UBR3: variants seen among roughly 807,000 people sequenced by gnomAD.
UBR3 encodes the protein E3 ubiquitin-protein ligase UBR3.
In UBR3, 85 loss-of-function variants were observed where a neutral mutation model predicts 243.2. That is an observed-to-expected ratio of 0.35 (90% CI 0.29 to 0.42). The LOEUF (loss-of-function observed/expected upper bound fraction) is 0.42. UBR3 is among the 10% of genes least tolerant of loss of function. The probability of loss-of-function intolerance (pLI) is 1.00; values close to 1 mark genes in which losing one functional copy is unlikely to be tolerated. For missense variants in UBR3, 1,686 were observed against 2,300.8 expected (o/e 0.73, Z 5.47); for synonymous variants, 748 against 799.8 (o/e 0.94, Z 1.09).
At chr2:169,950,116 A>T in intron 23 of UBR3, 51 bp downstream of exon 23, 1 of 1,476,914 alleles carries the variant, frequency 6.8e-7, no homozygotes, top group Non-Finnish European at 9.1e-7. Flanking sequence ...AAAATTTGAT[A>T]TTTTCTTCCT....
chr2:170,042,654 A>C (rs980748448), intron 32 of UBR3, among the ~76,000 whole-genome samples: 8 of 134,702 alleles, frequency 5.9e-5, no homozygotes, highest in Non-Finnish European at 1.2e-4. Flanking sequence ...GCGCCACTGC[A>C]CTCTAGCCTG....
intron 23 of UBR3, 95 bp downstream of exon 23, chr2:169,950,160 A>C (rs2086956786): frequency 8.8e-7 from 1 of 1,141,016 alleles, no homozygotes; most frequent in Non-Finnish European, 1.2e-6. Flanking sequence ...CTGGATGTTT[A>C]ACAGGAACAG....
intron 35 of UBR3, among the ~76,000 whole-genome samples, chr2:170,063,502 G>A (rs1008947243): frequency 6.6e-6 from 1 of 152,110 alleles, no homozygotes; most frequent in African/African-American, 2.4e-5. Context: ...CCTTATCTGC[G>A]ATTTTGCTGT....
intron 5 of UBR3, among the ~76,000 whole-genome samples, chr2:169,886,511 A>T (rs1022041940): frequency 6.6e-6 from 1 of 152,218 alleles, no homozygotes; most frequent in Non-Finnish European, 1.5e-5. Flanking sequence ...TTTTATTTCC[A>T]GATGACACTT....
chr2:170,006,457 AG>A (rs2089914307), intron 27 of UBR3, among the ~76,000 whole-genome samples: 1 of 152,212 alleles, frequency 6.6e-6, no homozygotes, highest in Admixed American at 6.5e-5. Context: ...TTGAGATGCA[AG>A]ATATAATGAA....
intron 25 of UBR3, among the ~76,000 whole-genome samples, chr2:169,987,307 C>A (rs983881306): frequency 1.3e-5 from 2 of 149,654 alleles, no homozygotes; most frequent in Non-Finnish European, 3.0e-5. Context: ...GCAGGAGAAT[C>A]GCTGGAACCT....
At position 169,933,026 on chromosome 2, in the gene UBR3, A is replaced by G. The variant is rs1310399595; in HGVS notation, c.2663+18A>G. On this transcript the variant is annotated intron_variant, in intron 19 of 38. Coordinates refer to ENST00000272793, the MANE Select transcript of UBR3 (RefSeq NM_172070.4). ...ACTGCATTGTAAGTCCATCAAATTG[A>G]TTAGCATCATAACAGTATTTTATAT... is the stretch of plus-strand genomic sequence containing the variant. The G allele has an allele frequency of 1.3e-6, 2 of 1,487,720 alleles. No individual in the cohort carries two copies. Among genetic ancestry groups the G allele is most frequent in the African/African-American group, 1.4e-5 (1 of 69,272 alleles). 92.2% of individuals were successfully genotyped at this position (1,487,720 alleles called of 1,614,324 possible).
intron 10 of UBR3, among the ~76,000 whole-genome samples, chr2:169,911,032 A>T (rs2085233340): frequency 6.6e-6 from 1 of 152,176 alleles, no homozygotes; most frequent in Non-Finnish European, 1.5e-5. Flanking sequence ...GTAATTTAAA[A>T]GGAAACTTCA....
At chr2:170,046,491 T>G (rs1434634376) in intron 32 of UBR3, among the ~76,000 whole-genome samples, 4 of 152,210 alleles carry the variant, frequency 2.6e-5, no homozygotes, top group Non-Finnish European at 5.9e-5. Context: ...TAACATGATC[T>G]TCTGTCCCTG....
In UBR3 at chr2:169,937,595, G is replaced by A. The variant is rs184763790; in HGVS notation, c.2663+4587G>A. On this transcript the variant is annotated intron_variant, in intron 19 of 38. Coordinates refer to ENST00000272793, the MANE Select transcript of UBR3 (RefSeq NM_172070.4). The stretch of plus-strand genomic sequence containing the variant: ...GAAGTTCTTGCCCATGCCTGTGTCC[G>A]GAATGGTATTGCCCAGGTTTTCCTC... Among the ~76,000 whole-genome samples the A allele has an allele frequency of 2.3e-3, 348 of 152,196 alleles. 3 individuals are homozygous for A. The highest frequency in any genetic ancestry group is 3.7e-3 in the Non-Finnish European group (252 of 67,998).
intron 10 of UBR3, among the ~76,000 whole-genome samples, chr2:169,912,908 CCAAGTAGATAGGACTATAAATG>C (rs2085309201): frequency 6.6e-6 from 1 of 151,940 alleles, no homozygotes; most frequent in African/African-American, 2.4e-5. Flanking sequence ...AGCCTCCCTC[CCAAGTAGATAGGACTATAAATG>C]CACGCCACCA....
intron 13 of UBR3, among the ~76,000 whole-genome samples, chr2:169,924,894 A>C (rs1237280776): frequency 1.3e-5 from 2 of 152,134 alleles, no homozygotes; most frequent in African/African-American, 4.8e-5. Flanking sequence ...TTAGCTGGGC[A>C]TGGTGGCGTG....
chr2:170,063,485 A>G (rs534882879), intron 35 of UBR3, among the ~76,000 whole-genome samples: 7 of 152,280 alleles, frequency 4.6e-5, no homozygotes, highest in South Asian at 2.1e-4. Flanking sequence ...TGTATACAGT[A>G]GTACCCCCTT....
At chr2:169,918,577 C>T (rs2105341921) in intron 11 of UBR3, among the ~76,000 whole-genome samples, 1 of 151,932 alleles carries the variant, frequency 6.6e-6, no homozygotes, top group Admixed American at 6.5e-5. Flanking sequence ...CTGCCTGGGC[C>T]TCCCAAAGTG....
intron 5 of UBR3, among the ~76,000 whole-genome samples, chr2:169,884,337 A>G (rs995321130): frequency 1.2e-4 from 18 of 152,064 alleles, no homozygotes; most frequent in African/African-American, 4.3e-4. Flanking sequence ...TATTTTTAGT[A>G]GAGACGGGGT....
intron 35 of UBR3, among the ~76,000 whole-genome samples, chr2:170,069,874 G>A (rs2091660095): frequency 6.6e-6 from 1 of 151,890 alleles, no homozygotes; most frequent in Non-Finnish European, 1.5e-5. Context: ...AAATAGTGTA[G>A]TATTTGCTTA....
At chr2:169,883,835 G>T (rs929528098) in intron 5 of UBR3, among the ~76,000 whole-genome samples, 3 of 151,920 alleles carry the variant, frequency 2.0e-5, no homozygotes, top group East Asian at 3.9e-4. Flanking sequence ...AGATTATAAG[G>T]TTATTTTATT....
chr2:169,877,849 T>C (rs1042548670), intron 4 of UBR3, among the ~76,000 whole-genome samples: 6 of 152,192 alleles, frequency 3.9e-5, no homozygotes, highest in African/African-American at 1.4e-4. Flanking sequence ...TGGAATTTGA[T>C]TAGCTTATTA....
At chr2:170,041,081 G>A in intron 32 of UBR3, 96 bp downstream of exon 32, 2 of 1,223,134 alleles carry the variant, frequency 1.6e-6, no homozygotes, top group South Asian at 2.9e-5. Context: ...GGTGGCTCAT[G>A]CTTGTAATCC....
Sources: gnomAD v4.1 joint callset for allele counts (sites outside exome capture counted in the v4.1 genomes callset) on GRCh38, gnomAD v4.1.1 for gene constraint, MANE v1.5 for transcripts, NCBI Gene and HGNC (gene_info 2026-07-23, HGNC 2026-07-21) for gene names.